The following SORL1 variants were observed in gnomAD, a reference collection of about 807,000 sequenced individuals.
The protein encoded by SORL1 is sortilin-related receptor.
A neutral mutation model predicts 273.7 loss-of-function variants in SORL1; 127 were observed. That is an observed-to-expected ratio of 0.46 (90% CI 0.40 to 0.54). The LOEUF (loss-of-function observed/expected upper bound fraction) is 0.54. Ranked by LOEUF, SORL1 falls within the 20% of genes least tolerant of loss-of-function variation. The probability of loss-of-function intolerance (pLI) is 0.00; values close to 1 mark genes in which losing one functional copy is unlikely to be tolerated. For synonymous variants in SORL1, 1,031 were observed against 1,067.4 expected, an observed-to-expected ratio of 0.97 and a Z score of 0.66; for missense variants, 2,494 against 2,846.1, an observed-to-expected ratio of 0.88 and a Z score of 2.81.
At chr11:121,520,560 A>G in intron 8 of SORL1, 97 bp from the exon 9 acceptor site, 5 of 812,514 alleles carry the variant, frequency 6.2e-6, no homozygotes, top group Non-Finnish European at 9.4e-6. Context: ...GCTTAATGCC[A>G]CAAAATTGTA....
In SORL1 at chr11:121,563,042, T is replaced by C. The variant is rs552775941; in HGVS notation, c.3049+3385T>C. On this transcript the variant is annotated intron_variant, in intron 21 of 47. Transcript: ENST00000260197. This position sits in a 1 kb window ranked among gnomAD's most constrained non-coding sequence, Gnocchi z 4.2. ...CACAGTAATGTGCTTTGTGGGCTTGTATAACCTCACTTCGTCTTCCCAAAG... is the reference window on the plus strand; with the variant it reads ...CACAGTAATGTGCTTTGTGGGCTTGCATAACCTCACTTCGTCTTCCCAAAG... Among the ~76,000 whole-genome samples the C allele has an allele frequency of 6.6e-6, 1 of 152,342 alleles. No homozygotes were observed. Among genetic ancestry groups the C allele is most frequent in the East Asian group, 1.9e-4 (1 of 5,190 alleles).
intron 11 of SORL1, among the ~76,000 whole-genome samples, chr11:121,524,445 A>G (rs1862089006): frequency 6.6e-6 from 1 of 152,240 alleles, no homozygotes. Flanking sequence ...CCAGTGCATA[A>G]GAGACCTTAT....
At chr11:121,589,470 C>A in intron 29 of SORL1, 80 bp downstream of exon 29, 1 of 1,547,714 alleles carries the variant, frequency 6.5e-7, no homozygotes, top group Non-Finnish European at 8.9e-7. Flanking sequence ...CACTCACCGG[C>A]AACCCCACTG....
chr11:121,564,035 G>A (rs1396121164), intron 21 of SORL1, among the ~76,000 whole-genome samples: 1 of 152,234 alleles, frequency 6.6e-6, no homozygotes, highest in South Asian at 2.1e-4. Context: ...TTCTGAACAT[G>A]CCCAGTGAAG....
intron 8 of SORL1, among the ~76,000 whole-genome samples, chr11:121,515,678 G>A (rs1861939059): frequency 6.6e-6 from 1 of 152,160 alleles, no homozygotes; most frequent in South Asian, 2.1e-4. Flanking sequence ...TTGAGATGGA[G>A]TCTCGCTCTG....
chr11:121,476,471 C>G (rs1020532520), intron 2 of SORL1, among the ~76,000 whole-genome samples: 1 of 152,174 alleles, frequency 6.6e-6, no homozygotes, highest in Non-Finnish European at 1.5e-5. Context: ...GCTCTCTGTT[C>G]CCTTTCTACA....
intron 25 of SORL1, among the ~76,000 whole-genome samples, chr11:121,582,150 G>T (rs1863023255): frequency 6.6e-6 from 1 of 152,220 alleles, no homozygotes; most frequent in Non-Finnish European, 1.5e-5. Context: ...TAGATAATGA[G>T]CTACCACTTG....
rs758320834 is a variant in SORL1, at chr11:121,574,289, G to C, written c.3386G>C (p.Gly1129Ala). 4.3e-6 allele frequency: 7 copies of C among 1,613,678 alleles called. No homozygotes were observed. The African/African-American group carries it at 9.3e-5, about 22-fold the overall frequency. ...ACCCAGTTTCGTTGCCAGGAGTCTG[G>C]GACTTGTATCCCACTGTCCTATAAA... Reference protein sequence around the residue: ...LDTQFRCQESGTCIPLSYKCD... With the variant: ...LDTQFRCQESATCIPLSYKCD... The change falls in exon 24 of 48, where the codon GGG becomes GCG. Residue 1129 changes from glycine (G) to alanine (A), a missense_variant. This residue lies in a region of SORL1 where 1,609 missense variants were observed against 1,816.4 expected (regional missense o/e 0.89). Transcript: ENST00000260197.
intron 40 of SORL1, 123 bp from the exon 41 acceptor site, chr11:121,614,748 G>A: frequency 1.3e-6 from 1 of 743,398 alleles, no homozygotes; most frequent in South Asian, 1.6e-5. Context: ...CAGTCCTACA[G>A]CACATGGGAC....
chr11:121,577,099 G>A (rs985707445), intron 24 of SORL1, 182 bp from the exon 25 acceptor site: 39 of 1,068,604 alleles, frequency 3.6e-5, no homozygotes, highest in Non-Finnish European at 5.2e-5. Context: ...CCCATTTGCA[G>A]CACACTGACT....
intron 27 of SORL1, 32 bp from the exon 28 acceptor site, chr11:121,587,988 A>G: frequency 6.2e-7 from 1 of 1,610,456 alleles, no homozygotes; most frequent in Non-Finnish European, 8.5e-7. Flanking sequence ...CGCAGTGCTC[A>G]TGGCCTCTTC....
intron 3 of SORL1, among the ~76,000 whole-genome samples, 172 bp downstream of exon 3, chr11:121,478,415 G>A (rs1861315479): frequency 6.6e-6 from 1 of 152,204 alleles, no homozygotes; most frequent in South Asian, 2.1e-4. Context: ...GCTGTTCTCA[G>A]GGTTGGTCTC....
chr11:121,460,877 T>G (rs1860988251), intron 1 of SORL1, among the ~76,000 whole-genome samples: 1 of 152,026 alleles, frequency 6.6e-6, no homozygotes, highest in South Asian at 2.1e-4. Context: ...CCCAGATAGT[T>G]AAGGACCCCA....
chr11:121,588,547 A>G (rs745598438), intron 28 of SORL1, among the ~76,000 whole-genome samples: 1 of 152,064 alleles, frequency 6.6e-6, no homozygotes, highest in African/African-American at 2.4e-5. Context: ...AACTTGCCCC[A>G]ATTTGGACCT....
At position 121,577,302 on chromosome 11, in the gene SORL1, A is replaced by T; in HGVS notation, c.3482A>T (p.Asp1161Val). ...SHCEMHQCRSDEYNCSSGMCI... is the reference protein window; with the variant it reads ...SHCEMHQCRSVEYNCSSGMCI... Reference sequence around the variant, plus strand: ...GCAGAAATGCACCAGTGCCGGAGTGACGAGTACAACTGCAGTTCCGGCATG... The same window carrying T: ...GCAGAAATGCACCAGTGCCGGAGTGTCGAGTACAACTGCAGTTCCGGCATG... The change falls in exon 25 of 48, where the codon GAC becomes GTC. Residue 1161 changes from aspartate to valine, a missense_variant. This residue lies in a region of SORL1 where 1,609 missense variants were observed against 1,816.4 expected (regional missense o/e 0.89). Transcript: ENST00000260197. 6.2e-7 allele frequency: 1 copy of T among 1,610,656 alleles called. No individual in the cohort carries two copies. Among genetic ancestry groups the T allele is most frequent in the Non-Finnish European group, 8.5e-7 (1 of 1,178,382 alleles).
intron 12 of SORL1, 131 bp downstream of exon 12, chr11:121,532,683 T>TA: frequency 4.2e-6 from 3 of 720,906 alleles, no homozygotes; most frequent in Non-Finnish European, 6.8e-6. Context: ...GGATATGAGT[T>TA]AAACTTTTTT....
chr11:121,604,346 G>A (rs1298585849), intron 33 of SORL1, 22 bp downstream of exon 33: 1 of 1,607,682 alleles, frequency 6.2e-7, no homozygotes. Flanking sequence ...TCCACGGGCT[G>A]GGCTGGGCTG....
chr11:121,498,825 A>C (rs1861668112), intron 6 of SORL1, among the ~76,000 whole-genome samples: 1 of 152,086 alleles, frequency 6.6e-6, no homozygotes, highest in Non-Finnish European at 1.5e-5. Context: ...GCAGTGAGCC[A>C]AAATCATGCC....
intron 21 of SORL1, among the ~76,000 whole-genome samples, chr11:121,561,588 C>T (rs1367683983): frequency 4.7e-5 from 7 of 147,628 alleles, no homozygotes; most frequent in Admixed American, 2.8e-4. Context: ...CCTCAGGAGG[C>T]GGAGGTGGGA....
Sources: allele counts gnomAD v4.1 joint callset (sites outside exome capture counted in the v4.1 genomes callset), GRCh38; gene constraint gnomAD v4.1.1; regional missense constraint gnomAD v4.1.1; non-coding constraint Gnocchi (gnomAD v3.1); transcripts MANE v1.5; gene names NCBI Gene and HGNC (gene_info 2026-07-23, HGNC 2026-07-21).